The following PCDHA1 variants were observed in gnomAD, a reference collection of about 807,000 sequenced individuals.
The protein encoded by PCDHA1 is protocadherin alpha 1, also known as protocadherin alpha-1.
In PCDHA1, 42 loss-of-function variants were observed where a neutral mutation model predicts 61.3. The observed-to-expected ratio is 0.69, with a 90% CI of 0.54 to 0.89. The LOEUF (loss-of-function observed/expected upper bound fraction) is 0.89, where lower values mean the gene tolerates loss of function less well. PCDHA1 is among the 40% of genes least tolerant of loss of function. PCDHA1 has a pLI of 0.00. For synonymous variants in PCDHA1, 610 were observed against 553.8 expected, an observed-to-expected ratio of 1.10 and a Z score of -1.43; for missense variants, 1,256 against 1,235.3, an observed-to-expected ratio of 1.02 and a Z score of -0.25.
intron 1 of PCDHA1, among the ~76,000 whole-genome samples, chr5:140,964,650 TG>T (rs1554227136): frequency 6.6e-6 from 1 of 151,800 alleles, no homozygotes; most frequent in Non-Finnish European, 1.5e-5. Flanking sequence ...AAACAAGTAA[TG>T]GGTGAGGACA....
chr5:140,828,276 G>T lies in PCDHA1; in HGVS notation c.2394+39592G>T, dbSNP rs2150153517. 9 of 1,613,972 alleles carry T rather than the reference G, an allele frequency of 5.6e-6. No individual in the cohort carries two copies. In the East Asian group the frequency reaches 6.7e-5, roughly 12 times the overall value. ...CTGGAGCTGGCGGAGCTGGTGCCGCGCCTGTTCAGGATGGCCTCCAAAGAC... is the reference window on the plus strand; with the variant it reads ...CTGGAGCTGGCGGAGCTGGTGCCGCTCCTGTTCAGGATGGCCTCCAAAGAC... On this transcript the variant is annotated intron_variant, in intron 1 of 3. Coordinates refer to ENST00000504120, the MANE Select transcript of PCDHA1 (RefSeq NM_018900.4).
intron 1 of PCDHA1, chr5:140,834,291 G>T: frequency 8.3e-7 from 1 of 1,201,540 alleles, no homozygotes; most frequent in Middle Eastern, 2.2e-4. Flanking sequence ...CACAACAATG[G>T]CCACACATCG....
chr5:140,874,152 T>C (rs1416330070), intron 1 of PCDHA1, among the ~76,000 whole-genome samples: 1 of 152,228 alleles, frequency 6.6e-6, no homozygotes, highest in African/African-American at 2.4e-5. Context: ...TGTAGAGCCA[T>C]TCTTGGTTAC....
intron 1 of PCDHA1, among the ~76,000 whole-genome samples, chr5:140,904,023 A>G (rs2070780912): frequency 1.3e-5 from 2 of 152,198 alleles, no homozygotes; most frequent in Admixed American, 6.5e-5. Flanking sequence ...AAATAATGGT[A>G]TAATTTAACT....
Position 140,809,789 on chromosome 5 carries a change from A to G in PCDHA1, c.2394+21105A>G, listed in dbSNP as rs1764544475. 8.5e-6 allele frequency: 4 copies of G among 470,038 alleles called. No individual in the cohort carries two copies. The East Asian group carries it at 1.4e-4, about 17-fold the overall frequency. 29.1% of individuals were successfully genotyped at this position (470,038 alleles called of 1,614,324 possible). On this transcript the variant is annotated intron_variant, in intron 1 of 3. Coordinates refer to ENST00000504120, the MANE Select transcript of PCDHA1 (RefSeq NM_018900.4). The stretch of plus-strand genomic sequence containing the variant: ...GCATTATTCAATGCATATTAACAGA[A>G]CTGTAATTTCTAGTAAATTTTCACT...
intron 1 of PCDHA1, among the ~76,000 whole-genome samples, chr5:140,921,582 A>G (rs1451313725): frequency 6.6e-6 from 1 of 152,200 alleles, no homozygotes; most frequent in Non-Finnish European, 1.5e-5. Context: ...AGCTCATACT[A>G]TATTATGGTT....
intron 1 of PCDHA1, chr5:140,825,571 T>A (rs1196041650): frequency 6.6e-6 from 1 of 151,826 alleles, no homozygotes; most frequent in Non-Finnish European, 1.5e-5. Flanking sequence ...ATTACAGGCA[T>A]GTGCCCACAC....
At chr5:140,977,865 G>C (rs2096778412) in intron 1 of PCDHA1, among the ~76,000 whole-genome samples, 4 of 152,172 alleles carry the variant, frequency 2.6e-5, no homozygotes, top group Non-Finnish European at 5.9e-5. Flanking sequence ...ACCAAATATG[G>C]TAAGTATAAT....
intron 1 of PCDHA1, chr5:140,808,907 G>A: frequency 2.5e-6 from 4 of 1,613,576 alleles, no homozygotes; most frequent in South Asian, 2.2e-5. Context: ...GGGTGGCACT[G>A]GTGGCGCAGT....
At position 140,857,302 on chromosome 5, in the gene PCDHA1, G is replaced by C. The variant is rs782029015; in HGVS notation, c.2394+68618G>C. 5.0e-6 allele frequency: 8 copies of C among 1,598,652 alleles called. 1 individual carries two copies. The highest frequency in any genetic ancestry group is 3.4e-5 in the Admixed American group (2 of 59,338). On this transcript the variant is annotated intron_variant, in intron 1 of 3. Transcript: ENST00000504120. ...GCGCTCTGGACCGCGAGAGGGTGTCGGCCTATGAGCTGGTGGTGACCGCGC... is the reference window on the plus strand; with the variant it reads ...GCGCTCTGGACCGCGAGAGGGTGTCCGCCTATGAGCTGGTGGTGACCGCGC...
Position 141,009,690 on chromosome 5 carries a change from TTAAA to T in PCDHA1, c.2609_2612del (p.Lys870ThrfsTer44). On this transcript the variant is annotated frameshift_variant, in exon 4 of 4. Transcript: ENST00000504120. LOFTEE classifies it high-confidence loss of function. ...GGTGTCAACAGCAACAGCTGGACCT[TTAAA>T]TACGGACCAGGCAACCCCAAACAAT... 6.2e-7 allele frequency: 1 copy of T among 1,614,068 alleles called. No individual in the cohort carries two copies. Among genetic ancestry groups the T allele is most frequent in the Non-Finnish European group, 8.5e-7 (1 of 1,180,024 alleles).
chr5:140,814,568 G>A (rs1554126549), intron 1 of PCDHA1: 1 of 151,628 alleles, frequency 6.6e-6, no homozygotes. Flanking sequence ...CAAGTATTAT[G>A]TACTGTAAAT....
At chr5:140,943,386 A>G (rs1245126281) in intron 1 of PCDHA1, among the ~76,000 whole-genome samples, 2 of 152,154 alleles carry the variant, frequency 1.3e-5, no homozygotes, top group African/African-American at 4.8e-5. Flanking sequence ...CAGGTAAGAA[A>G]TTATGGATAT....
chr5:140,832,186 C>T (rs1186762604), intron 1 of PCDHA1, among the ~76,000 whole-genome samples: 1 of 152,198 alleles, frequency 6.6e-6, no homozygotes, highest in African/African-American at 2.4e-5. Context: ...ATTCAAAAGA[C>T]ATTTAACCTG....
At chr5:140,828,495 T>A (rs2150156058) in intron 1 of PCDHA1, 1 of 1,614,162 alleles carries the variant, frequency 6.2e-7, no homozygotes, top group Admixed American at 1.7e-5. Context: ...TTGTTCCCGG[T>A]AGAGGAACAA....
chr5:140,950,723 A>AT (rs1196047674), intron 1 of PCDHA1, among the ~76,000 whole-genome samples: 72 of 152,102 alleles, frequency 4.7e-4, no homozygotes, highest in African/African-American at 1.6e-3. Flanking sequence ...ATATCCTTAA[A>AT]TTTTTTAATC....
intron 1 of PCDHA1, chr5:140,855,785 A>G (rs2043622079): frequency 4.7e-6 from 2 of 426,874 alleles, no homozygotes; most frequent in Non-Finnish European, 4.2e-6. Context: ...ACGTAAAAAA[A>G]GAATTAACAT....
rs147674000 is a variant in PCDHA1 at position 140,809,124 on chromosome 5, G to T, written c.2394+20440G>T. On this transcript the variant is annotated intron_variant, in intron 1 of 3. Coordinates refer to ENST00000504120, the MANE Select transcript of PCDHA1 (RefSeq NM_018900.4). ...GACGAAACGGACGCTCCGCGCCACC[G>T]CCTACTGGTACTGGTGAAGGACCAC... The T allele has an allele frequency of 8.0e-3, 12,837 of 1,613,980 alleles. 65 individuals carry two copies. The highest frequency in any genetic ancestry group is 0.011 in the Middle Eastern group (64 of 6,062).
chr5:140,929,522 T>G, intron 1 of PCDHA1: 1 of 727,900 alleles, frequency 1.4e-6, no homozygotes. Context: ...GACTTATAGT[T>G]TATTTTTGAG....
Sources: allele counts gnomAD v4.1 joint callset (sites outside exome capture counted in the v4.1 genomes callset), GRCh38; gene constraint gnomAD v4.1.1; transcripts MANE v1.5; gene names NCBI Gene and HGNC (gene_info 2026-07-23, HGNC 2026-07-21).